BLTP3A: variants seen among roughly 807,000 people sequenced by gnomAD.
BLTP3A encodes the protein ICBP90 binding protein 1.
chr6:34,866,431 G>A, the BLTP3A span, among the ~76,000 whole-genome samples: 7 of 151,422 alleles, frequency 4.6e-5, no homozygotes, highest in South Asian at 2.1e-4. Flanking sequence ...AAAAGAACTC[G>A]TGGCCATTTT....
chr6:34,830,771 A>C, the BLTP3A span, among the ~76,000 whole-genome samples: 6 of 152,170 alleles, frequency 3.9e-5, no homozygotes, highest in African/African-American at 1.4e-4. Flanking sequence ...TGTTTTTGTA[A>C]ATATTGCTAG....
chr6:34,824,845 A>AT, the BLTP3A span, among the ~76,000 whole-genome samples: 1 of 151,458 alleles, frequency 6.6e-6, no homozygotes, highest in Non-Finnish European at 1.5e-5. Context: ...TGATTTTTGT[A>AT]TTTTTAATAG....
the BLTP3A span, among the ~76,000 whole-genome samples, chr6:34,822,519 G>T: frequency 1.2e-4 from 19 of 152,086 alleles, no homozygotes; most frequent in Middle Eastern, 3.2e-3. Context: ...GGTTACGGGC[G>T]TGAGCCACCG....
the BLTP3A span, among the ~76,000 whole-genome samples, chr6:34,830,727 A>G: frequency 1.4e-4 from 22 of 152,206 alleles, no homozygotes; most frequent in African/African-American, 2.7e-4. Context: ...TCTATTTTAT[A>G]TACCTAGCAG....
chr6:34,813,159 C>A, the BLTP3A span, among the ~76,000 whole-genome samples: 1 of 152,142 alleles, frequency 6.6e-6, no homozygotes, highest in Non-Finnish European at 1.5e-5. Flanking sequence ...CTATTATTCC[C>A]AATAAAGATG....
the BLTP3A span, among the ~76,000 whole-genome samples, chr6:34,793,303 A>T: frequency 1.3e-5 from 2 of 152,142 alleles, no homozygotes; most frequent in East Asian, 3.8e-4. Flanking sequence ...GGAGTTGGTG[A>T]TGGTTAATAC....
At chr6:34,830,555 AC>A in the BLTP3A span, among the ~76,000 whole-genome samples, 1 of 151,748 alleles carries the variant, frequency 6.6e-6, no homozygotes, top group African/African-American at 2.4e-5. Context: ...ACACCACTGC[AC>A]CCCAGCCTAG....
the BLTP3A span, chr6:34,859,672 T>C: frequency 4.5e-5 from 68 of 1,519,954 alleles, 1 homozygote; most frequent in African/African-American, 7.9e-4. Flanking sequence ...GATTGGGAAG[T>C]ACCATATAGT....
chr6:34,805,735 C>CAAAAAAAA, the BLTP3A span, among the ~76,000 whole-genome samples: 4 of 73,710 alleles, frequency 5.4e-5, no homozygotes, highest in Admixed American at 1.6e-4. Flanking sequence ...GACCCTATCT[C>CAAAAAAAA]AAAAAAAAAA....
the BLTP3A span, among the ~76,000 whole-genome samples, chr6:34,863,415 G>A: frequency 6.6e-6 from 1 of 152,154 alleles, no homozygotes; most frequent in Admixed American, 6.5e-5. Flanking sequence ...GTTTCTGGCT[G>A]TATGCCTTTG....
chr6:34,850,143 CAA>C, the BLTP3A span, among the ~76,000 whole-genome samples: 17 of 114,774 alleles, frequency 1.5e-4, no homozygotes, highest in Admixed American at 3.6e-4. Flanking sequence ...AACTCGGTCT[CAA>C]AAAAAAAAAA....
chr6:34,809,164 G>T, the BLTP3A span, among the ~76,000 whole-genome samples: 3 of 152,150 alleles, frequency 2.0e-5, no homozygotes, highest in Non-Finnish European at 4.4e-5. Context: ...AGGCTGAAGT[G>T]GGAGGATCAT....
chr6:34,823,159 A>G, the BLTP3A span: 1 of 1,007,140 alleles, frequency 9.9e-7, no homozygotes, highest in Non-Finnish European at 1.6e-6. Flanking sequence ...GCACTTGACT[A>G]GGCTCTGGAG....
the BLTP3A span, among the ~76,000 whole-genome samples, chr6:34,801,413 G>A: frequency 6.6e-6 from 1 of 152,022 alleles, no homozygotes; most frequent in Non-Finnish European, 1.5e-5. Context: ...TGGGGAGAGG[G>A]GGGAAAAGTA....
At chr6:34,856,203 C>T in the BLTP3A span, 9 of 1,596,858 alleles carry the variant, frequency 5.6e-6, no homozygotes, top group Non-Finnish European at 6.8e-6. Flanking sequence ...TCATCATGAT[C>T]TTGGGCTAAA....
chr6:34,847,921 C>CTTTCTTTTTTTT, the BLTP3A span, among the ~76,000 whole-genome samples: 3,143 of 90,688 alleles, frequency 0.035, 442 homozygotes, highest in African/African-American at 0.041. Flanking sequence ...TCTTTTTTTC[C>CTTTCTTTTTTTT]TTTTTTTTTT....
At chr6:34,816,318 A>T in the BLTP3A span, among the ~76,000 whole-genome samples, 1 of 152,066 alleles carries the variant, frequency 6.6e-6, no homozygotes, top group Non-Finnish European at 1.5e-5. Flanking sequence ...CTTTTCTTTA[A>T]AAGTGGCTGG....
At chr6:34,828,824 T>C in the BLTP3A span, among the ~76,000 whole-genome samples, 1 of 151,806 alleles carries the variant, frequency 6.6e-6, no homozygotes, top group Non-Finnish European at 1.5e-5. Flanking sequence ...AGTCAGGAGC[T>C]TGAAACCAGC....
the BLTP3A span, chr6:34,823,368 G>A: frequency 6.3e-7 from 1 of 1,595,878 alleles, no homozygotes; most frequent in Non-Finnish European, 8.6e-7. Context: ...TTTGAACCCT[G>A]TTATTTCCAA....
Sources: gnomAD v4.1 joint callset for allele counts (sites outside exome capture counted in the v4.1 genomes callset) on GRCh38, gnomAD v4.1.1 for gene constraint, MANE v1.5 for transcripts, NCBI Gene and HGNC (gene_info 2026-07-23, HGNC 2026-07-21) for gene names.